The following QTMAN variants were observed in gnomAD, a reference collection of about 807,000 sequenced individuals.
QTMAN encodes the protein queuosine-tRNA mannosyltransferase.
At chr2:144,189,713 G>C in the QTMAN span, among the ~76,000 whole-genome samples, 1 of 151,894 alleles carries the variant, frequency 6.6e-6, no homozygotes, top group Non-Finnish European at 1.5e-5. Context: ...TCCGCCTCCC[G>C]GGTTCAAGCA....
chr2:144,081,420 A>T, the QTMAN span, among the ~76,000 whole-genome samples: 4 of 152,160 alleles, frequency 2.6e-5, no homozygotes, highest in Non-Finnish European at 5.9e-5. Context: ...AAAAGGTCCA[A>T]ATAAGTTCTG....
At chr2:144,012,183 T>C in the QTMAN span, among the ~76,000 whole-genome samples, 3 of 152,002 alleles carry the variant, frequency 2.0e-5, no homozygotes, top group Non-Finnish European at 4.4e-5. Context: ...TGTCCGCCAG[T>C]ATGGTTCCAG....
the QTMAN span, among the ~76,000 whole-genome samples, chr2:144,156,532 C>T: frequency 2.0e-5 from 3 of 152,036 alleles, no homozygotes; most frequent in African/African-American, 7.2e-5. Context: ...CACTGATTTG[C>T]TAAATCCTGT....
chr2:143,983,318 T>A, the QTMAN span, among the ~76,000 whole-genome samples: 1 of 152,210 alleles, frequency 6.6e-6, no homozygotes, highest in Non-Finnish European at 1.5e-5. Flanking sequence ...ATTATTATTA[T>A]CATAATTGTT....
At chr2:144,235,116 T>C in the QTMAN span, among the ~76,000 whole-genome samples, 4 of 152,202 alleles carry the variant, frequency 2.6e-5, no homozygotes, top group African/African-American at 9.6e-5. Flanking sequence ...ACACTGATAG[T>C]TGCAGGCAAG....
the QTMAN span, among the ~76,000 whole-genome samples, chr2:144,312,855 T>C: frequency 6.6e-6 from 1 of 152,216 alleles, no homozygotes. Flanking sequence ...ATGTGCCTAC[T>C]TCCCCTTCCA....
At chr2:144,230,841 A>AG in the QTMAN span, among the ~76,000 whole-genome samples, 21 of 152,186 alleles carry the variant, frequency 1.4e-4, 1 homozygote, top group Non-Finnish European at 1.5e-4. Flanking sequence ...GATTTAGGAC[A>AG]GGGAAAAAAA....
At chr2:144,200,406 T>C in the QTMAN span, among the ~76,000 whole-genome samples, 1 of 152,180 alleles carries the variant, frequency 6.6e-6, no homozygotes, top group Non-Finnish European at 1.5e-5. Context: ...TTACACAATA[T>C]CACAGGCATG....
chr2:144,297,034 AT>A, the QTMAN span, among the ~76,000 whole-genome samples: 1 of 152,208 alleles, frequency 6.6e-6, no homozygotes, highest in Non-Finnish European at 1.5e-5. Context: ...AGTTTTATAA[AT>A]TGATTTCCTC....
the QTMAN span, among the ~76,000 whole-genome samples, chr2:144,243,940 G>A: frequency 6.6e-6 from 1 of 152,158 alleles, no homozygotes; most frequent in South Asian, 2.1e-4. Context: ...AAGCATTAAA[G>A]AACTTGTTTA....
the QTMAN span, chr2:144,210,869 TACTC>T: frequency 6.6e-6 from 1 of 152,152 alleles, no homozygotes; most frequent in Non-Finnish European, 1.5e-5. Context: ...TCCTCTGACT[TACTC>T]AGAGGAAATG....
At chr2:144,314,940 CAGTGG>C in the QTMAN span, among the ~76,000 whole-genome samples, 2 of 152,096 alleles carry the variant, frequency 1.3e-5, no homozygotes, top group Non-Finnish European at 2.9e-5. Context: ...GGCTGGAGTG[CAGTGG>C]AGTGATCTCG....
the QTMAN span, among the ~76,000 whole-genome samples, chr2:144,209,881 T>C: frequency 1.3e-5 from 2 of 152,170 alleles, no homozygotes; most frequent in Non-Finnish European, 2.9e-5. Context: ...ATAATGTTGT[T>C]CCACAAAATT....
At chr2:144,120,468 T>C in the QTMAN span, among the ~76,000 whole-genome samples, 1 of 152,180 alleles carries the variant, frequency 6.6e-6, no homozygotes, top group African/African-American at 2.4e-5. Flanking sequence ...CTCATCTTTG[T>C]AAGATAACCA....
chr2:143,994,290 C>CT, the QTMAN span, among the ~76,000 whole-genome samples: 1 of 151,952 alleles, frequency 6.6e-6, no homozygotes, highest in East Asian at 1.9e-4. Flanking sequence ...ATGAATGAAT[C>CT]TAAGAAAAAA....
chr2:144,134,443 C>T, the QTMAN span, among the ~76,000 whole-genome samples: 1 of 152,074 alleles, frequency 6.6e-6, no homozygotes, highest in African/African-American at 2.4e-5. Context: ...GACCAACATC[C>T]TTTTTCCCTC....
At chr2:144,223,222 C>T in the QTMAN span, among the ~76,000 whole-genome samples, 1 of 151,750 alleles carries the variant, frequency 6.6e-6, no homozygotes, top group Non-Finnish European at 1.5e-5. Flanking sequence ...AGAAATCAAA[C>T]TACTAAAAGT....
the QTMAN span, among the ~76,000 whole-genome samples, chr2:144,044,932 G>C: frequency 6.6e-6 from 1 of 152,128 alleles, no homozygotes; most frequent in Non-Finnish European, 1.5e-5. Flanking sequence ...TGTTTATTAG[G>C]TTTCTAACAC....
At chr2:144,328,111 C>T in the QTMAN span, among the ~76,000 whole-genome samples, 6 of 152,018 alleles carry the variant, frequency 3.9e-5, no homozygotes, top group Non-Finnish European at 7.4e-5. Flanking sequence ...CCACCATGCC[C>T]GGTTAATTTT....
Sources: gnomAD v4.1 joint callset for allele counts (sites outside exome capture counted in the v4.1 genomes callset) on GRCh38, gnomAD v4.1.1 for gene constraint, MANE v1.5 for transcripts, NCBI Gene and HGNC (gene_info 2026-07-23, HGNC 2026-07-21) for gene names.